HS6ST2: variants seen among roughly 807,000 people sequenced by gnomAD.
HS6ST2 encodes the protein heparan-sulfate 6-O-sulfotransferase 2.
A neutral mutation model predicts 33.0 loss-of-function variants in HS6ST2; 17 were observed. The observed-to-expected ratio is 0.52, with a 90% CI of 0.35 to 0.77. HS6ST2 has a LOEUF of 0.77. Ranked by LOEUF, HS6ST2 falls within the 30% of genes least tolerant of loss-of-function variation. HS6ST2 has a pLI of 0.01. For synonymous variants in HS6ST2, 248 were observed against 237.1 expected (o/e 1.05, Z -0.42); for missense variants, 519 against 551.7 (o/e 0.94, Z 0.59).
intron 4 of HS6ST2, among the ~76,000 whole-genome samples, chrX:132,642,943 C>A (rs760660870): frequency 8.9e-6 from 1 of 112,511 alleles, no homozygotes; most frequent in East Asian, 2.8e-4. Flanking sequence ...TCCCTGAAAT[C>A]AGTGGCCTAG....
chrX:132,640,399 C>T (rs2063593997), intron 4 of HS6ST2, among the ~76,000 whole-genome samples: 2 of 110,846 alleles, frequency 1.8e-5, no homozygotes, highest in Middle Eastern at 4.6e-3. Flanking sequence ...GGTGGGTGGA[C>T]GGCATTCTGA....
At chrX:132,887,827 G>A (rs763806129) in intron 2 of HS6ST2, among the ~76,000 whole-genome samples, 1 of 112,202 alleles carries the variant, frequency 8.9e-6, no homozygotes, top group Non-Finnish European at 1.9e-5. Context: ...CCATCAAAAG[G>A]AATAAAGTAC....
At chrX:132,788,609 G>T (rs1416186201) in intron 2 of HS6ST2, among the ~76,000 whole-genome samples, 1 of 112,430 alleles carries the variant, frequency 8.9e-6, no homozygotes, top group African/African-American at 3.2e-5. Flanking sequence ...AGTGAGGAAG[G>T]CACGTTAAAA....
chrX:132,757,745 A>AT (rs1319610818), intron 2 of HS6ST2, among the ~76,000 whole-genome samples: 4 of 112,086 alleles, frequency 3.6e-5, no homozygotes, highest in Admixed American at 1.9e-4. Flanking sequence ...TTAGACAAAC[A>AT]CAGGCCAGGG....
At chrX:132,791,310 C>T (rs2148342790) in intron 2 of HS6ST2, among the ~76,000 whole-genome samples, 1 of 111,887 alleles carries the variant, frequency 8.9e-6, no homozygotes, top group South Asian at 3.7e-4. Context: ...TTGCCAAAAC[C>T]TTTAATTTTT....
chrX:132,863,437 A>G (rs1476198149), intron 2 of HS6ST2, among the ~76,000 whole-genome samples: 1 of 109,957 alleles, frequency 9.1e-6, no homozygotes, highest in Non-Finnish European at 1.9e-5. Flanking sequence ...CTCCCAACTC[A>G]GCCTCCCGAG....
chrX:132,811,687 T>TAC (rs2065346554), intron 2 of HS6ST2, among the ~76,000 whole-genome samples: 1 of 60,031 alleles, frequency 1.7e-5, no homozygotes, highest in African/African-American at 5.9e-5. Context: ...GGCTGAATAA[T>TAC]ATATATATAT....
At chrX:132,951,402 G>T (rs1462157078) in intron 2 of HS6ST2, among the ~76,000 whole-genome samples, 2 of 110,896 alleles carry the variant, frequency 1.8e-5, no homozygotes, top group African/African-American at 6.6e-5. Flanking sequence ...AGGACTCCGT[G>T]CCCACCCACA....
At chrX:132,886,642 G>A (rs1189548480) in intron 2 of HS6ST2, among the ~76,000 whole-genome samples, 1 of 110,958 alleles carries the variant, frequency 9.0e-6, no homozygotes, top group Non-Finnish European at 1.9e-5. Flanking sequence ...TGGCCAAAAT[G>A]TTGAAAGCCC....
intron 2 of HS6ST2, among the ~76,000 whole-genome samples, chrX:132,763,760 C>T (rs1169949995): frequency 3.6e-5 from 4 of 112,228 alleles, no homozygotes; most frequent in African/African-American, 1.3e-4. Flanking sequence ...CTGCTTGTGT[C>T]ATCCTCTGTC....
At chrX:132,649,198 A>T (rs1401334136) in intron 4 of HS6ST2, among the ~76,000 whole-genome samples, 2 of 111,849 alleles carry the variant, frequency 1.8e-5, no homozygotes, top group East Asian at 5.6e-4. Context: ...AAAATGAAAA[A>T]CTGCCACTAT....
Position 132,744,549 on chromosome X carries a change from T to G in HS6ST2, c.948-36055A>C, listed in dbSNP as rs894042645. On this transcript the variant is annotated intron_variant, in intron 2 of 4. Coordinates refer to ENST00000370833, the MANE Select transcript of HS6ST2 (RefSeq NM_001394073.1). ...TTTGGCATCAGCTGTTTATCTGGCCTCCCAAGTTATAGCACTGTAGTTTCT... is the reference window on the plus strand; with the variant it reads ...TTTGGCATCAGCTGTTTATCTGGCCGCCCAAGTTATAGCACTGTAGTTTCT... 8.0e-5 allele frequency among the ~76,000 whole-genome samples: 9 copies of G among 112,266 alleles called. No homozygotes were observed. In the Admixed American group the frequency reaches 8.5e-4, roughly 11 times the overall value.
intron 2 of HS6ST2, among the ~76,000 whole-genome samples, chrX:132,769,542 CT>C (rs1230860603): frequency 8.9e-6 from 1 of 111,911 alleles, no homozygotes; most frequent in Non-Finnish European, 1.9e-5. Flanking sequence ...CAGCCACTAA[CT>C]TTTTTTGCCA....
intron 2 of HS6ST2, among the ~76,000 whole-genome samples, chrX:132,786,782 C>T (rs1225462585): frequency 9.2e-6 from 1 of 108,970 alleles, no homozygotes. Context: ...CCACCATGCC[C>T]AGCTAATTTT....
At chrX:132,761,478 G>T (rs1569488008) in intron 2 of HS6ST2, among the ~76,000 whole-genome samples, 1 of 111,559 alleles carries the variant, frequency 9.0e-6, no homozygotes, top group Non-Finnish European at 1.9e-5. Context: ...TCCTGGAAGT[G>T]GGCACGAAGG....
chrX:132,737,398 G>A (rs2064519720), intron 2 of HS6ST2, among the ~76,000 whole-genome samples: 1 of 111,536 alleles, frequency 9.0e-6, no homozygotes, highest in African/African-American at 3.3e-5. Context: ...TACTGGGCAA[G>A]ATTGGGCTAA....
chrX:132,724,239 A>G (rs925814754), intron 2 of HS6ST2, among the ~76,000 whole-genome samples: 1 of 112,573 alleles, frequency 8.9e-6, no homozygotes, highest in Admixed American at 9.4e-5. Flanking sequence ...TGCAGATGAT[A>G]TGATCTTATA....
chrX:132,811,274 A>C lies in HS6ST2; in HGVS notation c.948-102780T>G, dbSNP rs181252249. On this transcript the variant is annotated intron_variant, in intron 2 of 4. Transcript: ENST00000370833. ...TCTGTCAGCAGTGGAAAGAGCCACT[A>C]CTCTAGGTTACGAACAACCCAGGAG... Among the ~76,000 whole-genome samples the C allele has an allele frequency of 2.4e-4, 27 of 110,493 alleles. No individual in the cohort carries two copies. In the East Asian group the frequency reaches 7.4e-3, roughly 30 times the overall value.
intron 3 of HS6ST2, among the ~76,000 whole-genome samples, chrX:132,674,459 G>A (rs964893775): frequency 6.3e-5 from 7 of 111,724 alleles, no homozygotes; most frequent in African/African-American, 2.3e-4. Flanking sequence ...AGGCAACCAG[G>A]GCGCTCACAT....
Sources: allele counts gnomAD v4.1 joint callset (sites outside exome capture counted in the v4.1 genomes callset), GRCh38; gene constraint gnomAD v4.1.1; transcripts MANE v1.5; gene names NCBI Gene and HGNC (gene_info 2026-07-23, HGNC 2026-07-21).